The following PHACTR1 variants were observed in gnomAD, a reference collection of about 807,000 sequenced individuals.
PHACTR1 encodes the protein phosphatase and actin regulator 1, also known as RPEL repeat containing 1.
In PHACTR1, 16 loss-of-function variants were observed where a neutral mutation model predicts 69.2. That is an observed-to-expected ratio of 0.23 (90% confidence interval 0.16 to 0.35). The LOEUF is 0.35. Among genes scored for constraint, PHACTR1 ranks in the 10% least tolerant of loss-of-function variants. The pLI, the probability that PHACTR1 is intolerant of heterozygous loss-of-function variation, is 1.00. For synonymous variants in PHACTR1, 312 were observed against 284.5 expected (o/e 1.10, Z -0.97); for missense variants, 510 against 734.7 (o/e 0.69, Z 3.54).
chr6:12,899,364 C>T (rs1784976049), intron 4 of PHACTR1, among the ~76,000 whole-genome samples: 2 of 152,006 alleles, frequency 1.3e-5, no homozygotes, highest in African/African-American at 4.8e-5. Flanking sequence ...TAACAGCACC[C>T]CCAGAGAAAG....
chr6:12,782,591 G>T (rs1361145987), intron 4 of PHACTR1, among the ~76,000 whole-genome samples: 1 of 152,170 alleles, frequency 6.6e-6, no homozygotes, highest in African/African-American at 2.4e-5. Context: ...AGCTTGGATT[G>T]TGGTGGCACA....
At chr6:12,882,519 G>A (rs1428034109) in intron 4 of PHACTR1, among the ~76,000 whole-genome samples, 1 of 152,208 alleles carries the variant, frequency 6.6e-6, no homozygotes, top group Non-Finnish European at 1.5e-5. Flanking sequence ...CCTTGGCAGT[G>A]TAGAAAGAAA....
intron 7 of PHACTR1, chr6:13,196,467 G>C (rs1230561485): frequency 6.3e-6 from 1 of 159,122 alleles, no homozygotes; most frequent in African/African-American, 2.9e-5. Context: ...GTTGCCCACG[G>C]TGGAGCGCAG....
chr6:12,765,277 G>T (rs185953068), intron 4 of PHACTR1, among the ~76,000 whole-genome samples: 2 of 152,090 alleles, frequency 1.3e-5, no homozygotes, highest in Non-Finnish European at 2.9e-5. Flanking sequence ...TGCTATGTAC[G>T]CAATACAAGT....
intron 4 of PHACTR1, among the ~76,000 whole-genome samples, chr6:12,777,703 T>C (rs1770266682): frequency 7.0e-6 from 1 of 143,854 alleles, no homozygotes; most frequent in African/African-American, 2.5e-5. Flanking sequence ...GTGATCTCAG[T>C]TCACTGCAAC....
At chr6:13,009,990 A>G (rs1410365488) in intron 4 of PHACTR1, among the ~76,000 whole-genome samples, 1 of 150,692 alleles carries the variant, frequency 6.6e-6, no homozygotes, top group Non-Finnish European at 1.5e-5. Context: ...CCCTTTACAC[A>G]TGACCCTCCC....
chr6:13,001,536 C>T (rs1054087461), intron 4 of PHACTR1, among the ~76,000 whole-genome samples: 2 of 152,168 alleles, frequency 1.3e-5, no homozygotes, highest in Non-Finnish European at 2.9e-5. Context: ...CCTCTCCCCA[C>T]CATGACCTGC....
At chr6:12,877,885 C>T (rs531690846) in intron 4 of PHACTR1, among the ~76,000 whole-genome samples, 1 of 152,300 alleles carries the variant, frequency 6.6e-6, no homozygotes, top group East Asian at 1.9e-4. Flanking sequence ...TTTCTCCCTC[C>T]TGGGCTTCTT....
intron 4 of PHACTR1, among the ~76,000 whole-genome samples, chr6:12,930,098 A>G (rs1788706437): frequency 6.6e-6 from 1 of 151,758 alleles, no homozygotes; most frequent in African/African-American, 2.4e-5. Context: ...GCTGGAGTGA[A>G]CCTGGTGCAA....
chr6:12,749,402 C>T, intron 3 of PHACTR1: 1 of 583,594 alleles, frequency 1.7e-6, no homozygotes, highest in Middle Eastern at 2.6e-4. Context: ...CTGATCTCTG[C>T]TCCAGTCCAC....
chr6:13,045,712 C>G (rs921254313), intron 4 of PHACTR1, among the ~76,000 whole-genome samples: 29 of 152,210 alleles, frequency 1.9e-4, no homozygotes, highest in African/African-American at 6.5e-4. Flanking sequence ...TCCCATCTCC[C>G]CGCATTGTAT....
intron 10 of PHACTR1, among the ~76,000 whole-genome samples, chr6:13,240,813 C>G (rs1772730315): frequency 6.6e-6 from 1 of 152,244 alleles, no homozygotes; most frequent in East Asian, 1.9e-4. Context: ...GGGCGAAGGT[C>G]CCTGATACGT....
intron 8 of PHACTR1, among the ~76,000 whole-genome samples, chr6:13,224,088 C>T (rs1359747867): frequency 1.3e-5 from 2 of 152,180 alleles, no homozygotes. Context: ...TTTCATTCGG[C>T]TAAAGCAATA....
chr6:12,970,322 G>A (rs1794040076), intron 4 of PHACTR1, among the ~76,000 whole-genome samples: 1 of 152,158 alleles, frequency 6.6e-6, no homozygotes, highest in Non-Finnish European at 1.5e-5. Context: ...ATAAAACTAT[G>A]GCAACATAGA....
intron 4 of PHACTR1, among the ~76,000 whole-genome samples, chr6:12,806,645 T>C (rs1774365206): frequency 6.6e-6 from 1 of 152,172 alleles, no homozygotes; most frequent in African/African-American, 2.4e-5. Context: ...CCTTTTTTTT[T>C]AGAGAGTATA....
intron 4 of PHACTR1, among the ~76,000 whole-genome samples, chr6:12,973,900 G>A (rs545334357): frequency 6.6e-6 from 1 of 150,704 alleles, no homozygotes; most frequent in East Asian, 1.9e-4. Flanking sequence ...ATACATTAGG[G>A]GTTGAAGAGG....
At chr6:13,074,778 C>G (rs918219190) in intron 5 of PHACTR1, among the ~76,000 whole-genome samples, 1 of 152,160 alleles carries the variant, frequency 6.6e-6, no homozygotes, top group African/African-American at 2.4e-5. Context: ...TCTTTCTACA[C>G]AGTGGAGTAC....
At chr6:12,936,349 G>A (rs1038053955) in intron 4 of PHACTR1, among the ~76,000 whole-genome samples, 2 of 152,170 alleles carry the variant, frequency 1.3e-5, no homozygotes, top group African/African-American at 4.8e-5. Flanking sequence ...CTGAGGCACT[G>A]AAGTGTCTGC....
chr6:13,057,772 A>G (rs1807028992), intron 5 of PHACTR1, among the ~76,000 whole-genome samples: 2 of 152,188 alleles, frequency 1.3e-5, no homozygotes, highest in African/African-American at 4.8e-5. Flanking sequence ...GACATCAACG[A>G]TTACATGGAT....
Sources: allele counts gnomAD v4.1 joint callset (sites outside exome capture counted in the v4.1 genomes callset), GRCh38; gene constraint gnomAD v4.1.1; transcripts MANE v1.5; gene names NCBI Gene and HGNC (gene_info 2026-07-23, HGNC 2026-07-21).